Variants in DDX27 observed in about 807,000 individuals in gnomAD.
DDX27 encodes the protein probable ATP-dependent RNA helicase DDX27.
Under a neutral mutation model 99.3 loss-of-function variants are expected in DDX27, and 42 were observed. The ratio of observed to expected loss-of-function variants is 0.42; its 90% CI spans 0.33 to 0.55. The LOEUF is 0.55. Among genes scored for constraint, DDX27 ranks in the 20% least tolerant of loss-of-function variants. The pLI, the probability that DDX27 is intolerant of heterozygous loss-of-function variation, is 0.07. For synonymous variants in DDX27, 329 were observed against 353.8 expected, an observed-to-expected ratio of 0.93 and a Z score of 0.79; for missense variants, 798 against 976.8, an observed-to-expected ratio of 0.82 and a Z score of 2.44.
chr20:49,232,632 C>T (rs190006986), intron 9 of DDX27: 2,337 of 152,886 alleles, frequency 0.015, 62 homozygotes, highest in South Asian at 0.071. Flanking sequence ...GGTGTGGTGG[C>T]GGGCGCCTGT....
intron 11 of DDX27, 42 bp downstream of exon 11, chr20:49,233,751 C>T: frequency 6.3e-7 from 1 of 1,597,964 alleles, no homozygotes; most frequent in Non-Finnish European, 8.5e-7. Flanking sequence ...GGCTGGTCAG[C>T]TTCCTTGAGC....
chr20:49,227,564 A>G (rs1979945251), intron 7 of DDX27, among the ~76,000 whole-genome samples: 1 of 151,940 alleles, frequency 6.6e-6, no homozygotes, highest in Non-Finnish European at 1.5e-5. Flanking sequence ...AGAGGGTTTC[A>G]CCATGTTGGC....
chr20:49,235,936 G>A (rs891887859), intron 12 of DDX27: 3 of 327,452 alleles, frequency 9.2e-6, no homozygotes, highest in Non-Finnish European at 1.7e-5. Context: ...GTAGAGACGG[G>A]GTTTCACCGT....
Position 49,236,279 on chromosome 20 carries a change from C to T in DDX27, c.1509+48C>T, listed in dbSNP as rs750697357. 136 of 1,570,446 alleles carry T rather than the reference C, an allele frequency of 8.7e-5. 1 individual carries two copies. In the South Asian group the frequency reaches 1.4e-3, roughly 17 times the overall value. On this transcript the variant is annotated intron_variant, in intron 13 of 20. Transcript: ENST00000618172. This position sits in a 1 kb window ranked among gnomAD's most constrained non-coding sequence, Gnocchi z 4.1. Reference sequence around the variant, plus strand: ...GGACTTTTGGTGGAAGTCTTTTTGCCTCTTCGCACCCCCCTTCCCTTGCCA... The same window carrying T: ...GGACTTTTGGTGGAAGTCTTTTTGCTTCTTCGCACCCCCCTTCCCTTGCCA...
Position 49,234,695 on chromosome 20 carries a change from C to A in DDX27, c.1274-240C>A, listed in dbSNP as rs1980246833. On this transcript the variant is annotated intron_variant, in intron 11 of 20. Coordinates refer to ENST00000618172, the MANE Select transcript of DDX27 (RefSeq NM_017895.8). ...CTTGTCATTCAACCTAATGTCACCTCTTCAGAGAGGCCAGCCCTTAGCTGC... is the reference window on the plus strand; with the variant it reads ...CTTGTCATTCAACCTAATGTCACCTATTCAGAGAGGCCAGCCCTTAGCTGC... 6 of 409,854 alleles carry A rather than the reference C, an allele frequency of 1.5e-5. No homozygotes were observed. The Admixed American group carries it at 2.5e-4, about 17-fold the overall frequency. 25.4% of individuals were successfully genotyped at this position (409,854 alleles called of 1,614,324 possible).
intron 8 of DDX27, 141 bp downstream of exon 8, chr20:49,229,029 ACTTTT>A: frequency 1.9e-6 from 1 of 535,158 alleles, no homozygotes; most frequent in Non-Finnish European, 2.7e-6. Flanking sequence ...AAACTGGAAG[ACTTTT>A]TTTTTTTTTT....
chr20:49,238,698 C>A (rs898086720), intron 14 of DDX27: 21 of 477,796 alleles, frequency 4.4e-5, no homozygotes, highest in Non-Finnish European at 6.7e-5. Flanking sequence ...AAACTCCTGA[C>A]CTCAGGTGAT....
chr20:49,238,959 C>T lies in DDX27; in HGVS notation c.1698C>T (p.Leu566=), dbSNP rs78749149. Residue 566 remains leucine (L), a synonymous_variant, in exon 15 of 21, where the codon CTC becomes CTT. Coordinates refer to ENST00000618172, the MANE Select transcript of DDX27 (RefSeq NM_017895.8). ...TTTTCTCCCATTGAGATGTCATCCT[C>T]AAATTCCGGGACAAGATTGAGAAAA... is the stretch of plus-strand genomic sequence containing the variant. ...KARILPQDVI[L]KFRDKIEKME... 0.02 allele frequency: 32,335 copies of T among 1,613,462 alleles called. 720 individuals carry two copies. Among genetic ancestry groups the T allele is most frequent in the East Asian group, 0.088 (3,945 of 44,876 alleles).
chr20:49,221,025 G>A (rs1198183385), intron 1 of DDX27, among the ~76,000 whole-genome samples: 2 of 152,008 alleles, frequency 1.3e-5, no homozygotes, highest in Non-Finnish European at 2.9e-5. Flanking sequence ...GCAGTGGCGC[G>A]ATCTCGGCTC....
At chr20:49,226,399 A>G (rs1979887370) in intron 6 of DDX27, 31 bp from the exon 7 acceptor site, 7 of 1,589,366 alleles carry the variant, frequency 4.4e-6, no homozygotes, top group Non-Finnish European at 6.0e-6. Flanking sequence ...CCCCCGCTCA[A>G]CCCTGTCTGA....
At chr20:49,222,455 A>G (rs1246475977) in intron 2 of DDX27, among the ~76,000 whole-genome samples, 1 of 152,094 alleles carries the variant, frequency 6.6e-6, no homozygotes, top group Non-Finnish European at 1.5e-5. Context: ...GATTACAGGC[A>G]TGAGCCACTG....
Position 49,242,210 on chromosome 20 carries a change from G to T in DDX27, c.2116+4G>T. ...GAGGAGCCAGTGAGAGGTCCTGGTA[G>T]GTGAATGGGGAGCCCAAAGGAGCTT... On this transcript the variant is annotated splice_donor_region_variant and intron_variant, in intron 18 of 20. Coordinates refer to ENST00000618172, the MANE Select transcript of DDX27 (RefSeq NM_017895.8). The T allele has an allele frequency of 6.2e-7, 1 of 1,613,992 alleles. No homozygotes were observed. The highest frequency in any genetic ancestry group is 1.3e-5 in the African/African-American group (1 of 75,066).
chr20:49,224,269 C>T (rs184370479), intron 4 of DDX27, among the ~76,000 whole-genome samples: 2 of 152,074 alleles, frequency 1.3e-5, no homozygotes, highest in East Asian at 1.9e-4. Flanking sequence ...TAGCCCCATG[C>T]GGCTGCCAGA....
At chr20:49,221,357 G>C (rs1161100199) in intron 1 of DDX27, 95 bp from the exon 2 acceptor site, 2 of 1,464,292 alleles carry the variant, frequency 1.4e-6, no homozygotes, top group Non-Finnish European at 1.9e-6. Flanking sequence ...TAAAGTGCTG[G>C]GATTACAGGT....
Position 49,223,432 on chromosome 20 carries a change from A to G in DDX27, c.465A>G (p.Ala155=), listed in dbSNP as rs117438887. Residue 155 remains alanine, a splice_region_variant and synonymous_variant, in exon 4 of 21, where the codon GCA becomes GCG. Coordinates refer to ENST00000618172, the MANE Select transcript of DDX27 (RefSeq NM_017895.8). ...CTGATGAGAACATCCTCACCAAAGC[A>G]GGTAGACGTTACGGCGGAGGTGTCA... ...SSADENILTK[A]DTLKVKDRKK... is the part of the protein sequence containing the mutation. 1.4e-3 allele frequency: 2,220 copies of G among 1,606,866 alleles called. 53 individuals carry two copies. The East Asian group carries it at 0.042, about 30-fold the overall frequency.
At chr20:49,223,077 C>T (rs1979749457) in intron 3 of DDX27, 61 bp downstream of exon 3, 1 of 1,515,454 alleles carries the variant, frequency 6.6e-7, no homozygotes, top group African/African-American at 1.4e-5. Flanking sequence ...CACCACGACC[C>T]CAGCATCTCT....
chr20:49,229,252 G>C (rs1032257417), intron 8 of DDX27, among the ~76,000 whole-genome samples: 1 of 151,854 alleles, frequency 6.6e-6, no homozygotes, highest in African/African-American at 2.4e-5. Context: ...GGATAGTCTC[G>C]ATCTCCTGAC....
At chr20:49,223,499 G>T in intron 4 of DDX27, 66 bp downstream of exon 4, 1 of 1,466,160 alleles carries the variant, frequency 6.8e-7, no homozygotes, top group Non-Finnish European at 9.2e-7. Flanking sequence ...CCTTTACTTT[G>T]TAGGGTTTCC....
intron 8 of DDX27, 122 bp downstream of exon 8, chr20:49,229,010 T>A: frequency 2.9e-6 from 2 of 699,046 alleles, no homozygotes; most frequent in Non-Finnish European, 4.1e-6. Context: ...GTTGATTGAA[T>A]CCACTTAAAA....
Sources: gnomAD v4.1 joint callset for allele counts (sites outside exome capture counted in the v4.1 genomes callset) on GRCh38, gnomAD v4.1.1 for gene constraint, Gnocchi (gnomAD v3.1) non-coding constraint, MANE v1.5 for transcripts, NCBI Gene and HGNC (gene_info 2026-07-23, HGNC 2026-07-21) for gene names.